MXI1: variants seen among roughly 807,000 people sequenced by gnomAD.
MXI1 encodes MAX interactor 1, dimerization protein.
A neutral mutation model predicts 36.9 loss-of-function variants in MXI1; 18 were observed. The ratio of observed to expected loss-of-function variants is 0.49; its 90% CI spans 0.34 to 0.72. MXI1 has a LOEUF of 0.72. Among genes scored for constraint, MXI1 ranks in the 30% least tolerant of loss-of-function variants. The probability of loss-of-function intolerance (pLI) is 0.01; values close to 1 mark genes in which losing one functional copy is unlikely to be tolerated. For missense variants in MXI1, 304 were observed against 379.1 expected, an observed-to-expected ratio of 0.80 and a Z score of 1.64; for synonymous variants, 160 against 146.7, an observed-to-expected ratio of 1.09 and a Z score of -0.65.
intron 1 of MXI1, among the ~76,000 whole-genome samples, chr10:110,215,915 G>C (rs1045329539): frequency 1.3e-5 from 2 of 152,056 alleles, no homozygotes; most frequent in African/African-American, 4.8e-5. Flanking sequence ...AACGGGAGAG[G>C]CTTCAATTCC....
chr10:110,255,454 C>A (rs543596607), intron 3 of MXI1, among the ~76,000 whole-genome samples: 56 of 152,274 alleles, frequency 3.7e-4, no homozygotes, highest in African/African-American at 1.3e-3. Flanking sequence ...GTGATTTCAA[C>A]TTTCAAGTCT....
chr10:110,220,134 G>A (rs1043377906), intron 1 of MXI1, among the ~76,000 whole-genome samples: 2 of 152,194 alleles, frequency 1.3e-5, no homozygotes, highest in Non-Finnish European at 2.9e-5. Context: ...AGGGTCCAAG[G>A]GTCAGAAAAT....
chr10:110,279,182 G>A lies in MXI1; in HGVS notation c.440G>A (p.Arg147Gln). 6.2e-7 allele frequency: 1 copy of A among 1,612,694 alleles called. No individual in the cohort carries two copies. Among genetic ancestry groups the A allele is most frequent in the Non-Finnish European group, 8.5e-7 (1 of 1,178,920 alleles). ...STHNELEKNRRAHLRLCLERL... is the reference protein window; with the variant it reads ...STHNELEKNRQAHLRLCLERL... ...ATTTGACTTTTTGTCTTTCTTAGACGAGCTCATCTGCGCCTTTGTTTAGAA... is the reference window on the plus strand; with the variant it reads ...ATTTGACTTTTTGTCTTTCTTAGACAAGCTCATCTGCGCCTTTGTTTAGAA... The change falls in exon 4 of 6, where the codon CGA (arginine) becomes CAA (glutamine). Residue 147 changes from arginine to glutamine, a missense_variant and splice_region_variant. Physicochemically the swap from Arg to Gln is conservative, Grantham distance 43. Transcript: ENST00000332674.
chr10:110,226,359 G>C lies in MXI1; in HGVS notation c.275-1830G>C, dbSNP rs1854967517. The C allele has an allele frequency of 2.1e-6, 3 of 1,396,098 alleles. No homozygotes were observed. The East Asian group carries it at 9.0e-5, about 42-fold the overall frequency. The allele number at this position is 1,396,098 out of a possible 1,614,324, so 86.5% of individuals were successfully genotyped here. ...GCAGTGCGGTGCGGCCGGTAAGGGA[G>C]GGCACGCGTGTGAGGTGCGCGCATG... On this transcript the variant is annotated intron_variant, in intron 1 of 5. Coordinates refer to ENST00000332674, the MANE Select transcript of MXI1 (RefSeq NM_130439.3).
chr10:110,272,691 TTATTA>T (rs1374958947), intron 3 of MXI1, among the ~76,000 whole-genome samples: 4 of 151,406 alleles, frequency 2.6e-5, no homozygotes, highest in African/African-American at 7.2e-5. Flanking sequence ...ATAATTTATA[TTATTA>T]TATTATATAT....
chr10:110,260,673 TAA>T (rs913043888), intron 3 of MXI1, among the ~76,000 whole-genome samples: 5 of 152,024 alleles, frequency 3.3e-5, no homozygotes, highest in Non-Finnish European at 7.4e-5. Flanking sequence ...AATATTTATA[TAA>T]GACTAGAATT....
intron 3 of MXI1, among the ~76,000 whole-genome samples, chr10:110,258,225 CT>C (rs1389103949): frequency 2.6e-5 from 4 of 152,102 alleles, no homozygotes; most frequent in African/African-American, 9.7e-5. Flanking sequence ...ATGGTGGTTA[CT>C]TCCCATTTTT....
At chr10:110,273,107 A>C (rs912280654) in intron 3 of MXI1, among the ~76,000 whole-genome samples, 3 of 128,386 alleles carry the variant, frequency 2.3e-5, no homozygotes, top group African/African-American at 9.1e-5. Context: ...GAGTGCAGTG[A>C]TGCGATCTCG....
Position 110,207,916 on chromosome 10 carries a change from G to C in MXI1, c.108G>C (p.Pro36=), listed in dbSNP as rs1413580736. The change falls in exon 1 of 6, where the codon CCG becomes CCC. Residue 36 remains proline, a synonymous_variant. Transcript: ENST00000332674. ...VPPAVAAPQP[P]ALPEDPAGAK... ...CCGCCGTGGCCGCGCCCCAGCCCCCGGCCCTGCCCGAGGACCCCGCTGGGG... is the reference window on the plus strand; with the variant it reads ...CCGCCGTGGCCGCGCCCCAGCCCCCCGCCCTGCCCGAGGACCCCGCTGGGG... 6.7e-7 allele frequency: 1 copy of C among 1,499,612 alleles called. No individual in the cohort carries two copies. The highest frequency in any genetic ancestry group is 3.0e-5 in the East Asian group (1 of 33,882). 92.9% of individuals were successfully genotyped at this position (1,499,612 alleles called of 1,614,324 possible). A position where few individuals can be genotyped will look rare whatever the true frequency, so the allele number is the denominator to read the frequency against.
chr10:110,218,789 C>T (rs1417748997), intron 1 of MXI1, among the ~76,000 whole-genome samples: 8 of 152,188 alleles, frequency 5.3e-5, no homozygotes, highest in East Asian at 1.9e-4. Flanking sequence ...TTCCTGGAGG[C>T]GCCCGAGCTT....
chr10:110,233,182 T>C (rs900082934), intron 2 of MXI1, among the ~76,000 whole-genome samples: 3 of 152,150 alleles, frequency 2.0e-5, no homozygotes, highest in African/African-American at 7.2e-5. Context: ...CTTTCTAAGA[T>C]TGAGGACACT....
intron 1 of MXI1, chr10:110,226,320 A>T: frequency 6.9e-7 from 1 of 1,456,762 alleles, no homozygotes; most frequent in South Asian, 1.3e-5. Context: ...CCCGAGCGCT[A>T]CTAATCTTTT....
chr10:110,227,059 G>T (rs1233187550), intron 1 of MXI1, among the ~76,000 whole-genome samples: 1 of 46,288 alleles, frequency 2.2e-5, no homozygotes, highest in East Asian at 7.2e-4. Flanking sequence ...GAGGGGAGGG[G>T]CGTACGCGTG....
rs762908762 is a variant in MXI1 at position 110,284,903 on chromosome 10, C to T, written c.804C>T (p.Asp268=). ...VDNISTTSIS[D]IDDHSSLPSI... Reference sequence around the variant, plus strand: ...ATATAAGTACCACCAGCATCAGTGACATTGATGACCACAGCAGCCTGCCGA... The same window carrying T: ...ATATAAGTACCACCAGCATCAGTGATATTGATGACCACAGCAGCCTGCCGA... Residue 268 remains aspartate, a synonymous_variant, in exon 6 of 6, where the codon GAC becomes GAT. Coordinates refer to ENST00000332674, the MANE Select transcript of MXI1 (RefSeq NM_130439.3). The T allele has an allele frequency of 3.7e-6, 6 of 1,613,718 alleles. No homozygotes were observed. In the African/African-American group the frequency reaches 6.7e-5, roughly 18 times the overall value.
At chr10:110,261,975 T>C (rs775936453) in intron 3 of MXI1, among the ~76,000 whole-genome samples, 1 of 152,134 alleles carries the variant, frequency 6.6e-6, no homozygotes, top group African/African-American at 2.4e-5. Flanking sequence ...AAGAATGATG[T>C]AGATGTGTAT....
rs912622863 is a variant in MXI1 at position 110,240,469 on chromosome 10, AT to A, written c.408-4353del. Among the ~76,000 whole-genome samples, 9 of 152,136 alleles carry A rather than the reference AT, an allele frequency of 5.9e-5. No homozygotes were observed. The South Asian group carries it at 1.9e-3, about 32-fold the overall frequency. On this transcript the variant is annotated intron_variant, in intron 2 of 5. Coordinates refer to ENST00000332674, the MANE Select transcript of MXI1 (RefSeq NM_130439.3). ...AGAAGCAATACATTTCTTATGAGGC[AT>A]TTTTTCTAAAAGTTTATAGTATTCA... is the stretch of plus-strand genomic sequence containing the variant.
At chr10:110,227,344 GTGC>G in intron 1 of MXI1, 1 of 986,086 alleles carries the variant, frequency 1.0e-6, no homozygotes, top group Non-Finnish European at 1.2e-6. Flanking sequence ...GGAGGTGTGT[GTGC>G]TGAGATCGTG....
chr10:110,282,999 G>A (rs1857310941), intron 5 of MXI1, among the ~76,000 whole-genome samples: 1 of 152,036 alleles, frequency 6.6e-6, no homozygotes, highest in South Asian at 2.1e-4. Flanking sequence ...TATTTTGACT[G>A]AGTTCAGCAT....
rs12218932 is a variant in MXI1 at position 110,236,352 on chromosome 10, T to C, written c.407+8031T>C. On this transcript the variant is annotated intron_variant, in intron 2 of 5. Coordinates refer to ENST00000332674, the MANE Select transcript of MXI1 (RefSeq NM_130439.3). ...TAATGCCACACTGTCTTAATTATTATAGTTTTTCAAAAAGTTATGAAATCA... is the reference window on the plus strand; with the variant it reads ...TAATGCCACACTGTCTTAATTATTACAGTTTTTCAAAAAGTTATGAAATCA... Among the ~76,000 whole-genome samples the C allele has an allele frequency of 2.3e-3, 343 of 152,196 alleles. 13 individuals carry two copies. The East Asian group carries it at 0.047, about 21-fold the overall frequency.
Sources: allele counts gnomAD v4.1 joint callset (sites outside exome capture counted in the v4.1 genomes callset), GRCh38; gene constraint gnomAD v4.1.1; transcripts MANE v1.5; gene names NCBI Gene and HGNC (gene_info 2026-07-23, HGNC 2026-07-21).